HTRA1: variants seen among roughly 807,000 people sequenced by gnomAD.
HTRA1 encodes the protein HtrA serine peptidase 1, also known as serine protease HTRA1.
HTRA1 carries 26 observed loss-of-function variants against 49.7 expected under a neutral mutation model. The observed-to-expected ratio is 0.52, with a 90% CI of 0.38 to 0.73. The LOEUF (loss-of-function observed/expected upper bound fraction) is 0.73. Among genes scored for constraint, HTRA1 ranks in the 30% least tolerant of loss-of-function variants. The pLI is 0.00. For missense variants in HTRA1, 561 were observed against 667.2 expected (o/e 0.84, Z 1.75); for synonymous variants, 291 against 286.9 (o/e 1.01, Z -0.14).
In HTRA1 at chr10:122,512,079, G is replaced by A. The variant is rs2272599; in HGVS notation, c.1274+14G>A. The A allele has an allele frequency of 0.62, 960,015 of 1,560,700 alleles. 297,242 individuals carry two copies. Among genetic ancestry groups the A allele is most frequent in the African/African-American group, 0.7 (51,886 of 73,922 alleles). On this transcript the variant is annotated intron_variant, in intron 8 of 8. Transcript: ENST00000368984. The stretch of plus-strand genomic sequence containing the variant: ...CCCAGCAGAAGCGTGAGTTGGAGTC[G>A]TTTTCTCTTTTCCCAATATTCTTGT...
rs1038500258 is a variant in HTRA1, at chr10:122,494,639, C to T, written c.777+5013C>T. Among the ~76,000 whole-genome samples, 4 of 152,212 alleles carry T rather than the reference C, an allele frequency of 2.6e-5. No individual in the cohort carries two copies. Among genetic ancestry groups the T allele is most frequent in the Middle Eastern group, 3.4e-3 (1 of 294 alleles). On this transcript the variant is annotated intron_variant, in intron 3 of 8. Transcript: ENST00000368984. This position sits in a 1 kb window ranked among gnomAD's most constrained non-coding sequence, Gnocchi z 4.0. ...GTGGTTTTCCTCCCTCCCCTGTAGG[C>T]CTGCGCCACCCCCCCAACCCCACGG...
intron 1 of HTRA1, among the ~76,000 whole-genome samples, chr10:122,484,853 A>G (rs1482157469): frequency 6.6e-6 from 1 of 152,170 alleles, no homozygotes; most frequent in Non-Finnish European, 1.5e-5. Flanking sequence ...AGAAAGAAGG[A>G]GCAGTGGACG....
chr10:122,508,853 AGCG>A (rs754602291), intron 6 of HTRA1, 83 bp downstream of exon 6: 6 of 848,432 alleles, frequency 7.1e-6, no homozygotes, highest in Non-Finnish European at 1.2e-5. Context: ...GGAAGGGAAA[AGCG>A]GCAGCCCCTA....
At chr10:122,467,150 T>C (rs1403623723) in intron 1 of HTRA1, among the ~76,000 whole-genome samples, 1 of 152,230 alleles carries the variant, frequency 6.6e-6, no homozygotes, top group Non-Finnish European at 1.5e-5. Flanking sequence ...GTTTCATGCC[T>C]TGGATTCAGA....
chr10:122,486,674 G>A (rs1304931896), intron 1 of HTRA1, among the ~76,000 whole-genome samples: 9 of 152,270 alleles, frequency 5.9e-5, no homozygotes, highest in African/African-American at 1.7e-4. Flanking sequence ...GGGCTGGGAC[G>A]TCTCACAGCT....
chr10:122,488,125 A>G (rs2097493887), intron 1 of HTRA1, among the ~76,000 whole-genome samples: 1 of 152,078 alleles, frequency 6.6e-6, no homozygotes, highest in Non-Finnish European at 1.5e-5. Context: ...TTTCTTCGTA[A>G]TAATCTCAGA....
At chr10:122,502,307 T>C (rs1485619104) in intron 3 of HTRA1, among the ~76,000 whole-genome samples, 1 of 152,260 alleles carries the variant, frequency 6.6e-6, no homozygotes, top group Non-Finnish European at 1.5e-5. Context: ...CTGCTTGTTG[T>C]TGTCTGTTGG....
chr10:122,510,746 C>T (rs1053744146), intron 7 of HTRA1, among the ~76,000 whole-genome samples: 1 of 152,148 alleles, frequency 6.6e-6, no homozygotes, highest in Admixed American at 6.5e-5. Flanking sequence ...TGGTAGTAGA[C>T]TCACCTGGCA....
rs143026231 is a variant in HTRA1, at chr10:122,491,540, A to C, written c.777+1914A>C. Among the ~76,000 whole-genome samples the C allele has an allele frequency of 5.1e-3, 776 of 152,334 alleles. 6 individuals are homozygous for C. Among genetic ancestry groups the C allele is most frequent in the Admixed American group, 0.01 (157 of 15,310 alleles). ...AGGCGCTGGCCTGGACGCCGCCCCC[A>C]CTGCGTAACTTCGTGTTTGGAATGC... On this transcript the variant is annotated intron_variant, in intron 3 of 8. Coordinates refer to ENST00000368984, the MANE Select transcript of HTRA1 (RefSeq NM_002775.5).
chr10:122,478,649 C>T (rs1026143318), intron 1 of HTRA1, among the ~76,000 whole-genome samples: 5 of 143,372 alleles, frequency 3.5e-5, no homozygotes, highest in Non-Finnish European at 7.5e-5. Context: ...GCCTTGGCCT[C>T]CCAAAGTGCT....
chr10:122,463,783 C>G (rs913860382), intron 1 of HTRA1, among the ~76,000 whole-genome samples: 5 of 152,236 alleles, frequency 3.3e-5, no homozygotes, highest in Admixed American at 6.5e-5. Flanking sequence ...CACTTAACTC[C>G]AAGGGTGTGG....
At chr10:122,512,328 C>T (rs988476076) in intron 8 of HTRA1, among the ~76,000 whole-genome samples, 5 of 152,250 alleles carry the variant, frequency 3.3e-5, no homozygotes, top group South Asian at 4.2e-4. Context: ...ATAGCAGACT[C>T]GTAATGAGTC....
chr10:122,486,210 T>G (rs2097493033), intron 1 of HTRA1, among the ~76,000 whole-genome samples: 2 of 152,322 alleles, frequency 1.3e-5, no homozygotes, highest in South Asian at 2.1e-4. Context: ...GAGAAGTTAT[T>G]TAAAGTCTGC....
chr10:122,498,603 G>A (rs552195792), intron 3 of HTRA1, among the ~76,000 whole-genome samples: 2 of 152,240 alleles, frequency 1.3e-5, no homozygotes, highest in East Asian at 3.9e-4. Flanking sequence ...CTGAATGGAA[G>A]CTGAAATATC....
Position 122,461,818 on chromosome 10 carries a change from G to A in HTRA1, c.166G>A (p.Gly56Ser), listed in dbSNP as rs1275125353. Residue 56 changes from glycine to serine, a missense_variant, in exon 1 of 9, where the codon GGC becomes AGC. Gly to Ser is a moderately conservative substitution (Grantham distance 56, BLOSUM62 0). Coordinates refer to ENST00000368984, the MANE Select transcript of HTRA1 (RefSeq NM_002775.5). ...GCCGCAGCCGGAGCACTGCGAGGGC[G>A]GCCGGGCCCGGGACGCGTGCGGCTG... ...CPPQPEHCEG[G>S]RARDACGCCE... 2 of 1,081,628 alleles carry A rather than the reference G, an allele frequency of 1.8e-6. No homozygotes were observed. The highest frequency in any genetic ancestry group is 6.3e-5 in the East Asian group (1 of 15,786). 67.0% of individuals were successfully genotyped at this position (1,081,628 alleles called of 1,614,324 possible). A position where few individuals can be genotyped will look rare whatever the true frequency, so the allele number is the denominator to read the frequency against.
chr10:122,496,225 GTTCTTTTTTTTTTTTTTTTTT>G (rs2097498633), intron 3 of HTRA1, among the ~76,000 whole-genome samples: 2 of 80,384 alleles, frequency 2.5e-5, no homozygotes. Flanking sequence ...GAGATTGTGG[GTTCTTTTTTTTTTTTTTTTTT>G]TTTTTTTTTT....
At chr10:122,488,384 G>A (rs1380226104) in intron 1 of HTRA1, among the ~76,000 whole-genome samples, 4 of 152,152 alleles carry the variant, frequency 2.6e-5, no homozygotes, top group South Asian at 4.2e-4. Context: ...CCTGGCCAAC[G>A]TGGTGAAACC....
rs906341433 is a variant in HTRA1 at position 122,490,131 on chromosome 10, G to A, written c.777+505G>A. 3.3e-5 allele frequency among the ~76,000 whole-genome samples: 5 copies of A among 152,188 alleles called. No homozygotes were observed. Among genetic ancestry groups the A allele is most frequent in the African/African-American group, 4.8e-5 (2 of 41,450 alleles). On this transcript the variant is annotated intron_variant, in intron 3 of 8. Transcript: ENST00000368984. This position sits in a 1 kb window ranked among gnomAD's most constrained non-coding sequence, Gnocchi z 4.2. Reference sequence around the variant, plus strand: ...GAGATGTGTTTCAAAAGAATGTTTCGTACTTTAAACATCTTGGAAAACTTG... The same window carrying A: ...GAGATGTGTTTCAAAAGAATGTTTCATACTTTAAACATCTTGGAAAACTTG...
chr10:122,480,154 A>T (rs888467546), intron 1 of HTRA1, among the ~76,000 whole-genome samples: 2 of 152,240 alleles, frequency 1.3e-5, no homozygotes, highest in Admixed American at 1.3e-4. Flanking sequence ...AGGGACATTC[A>T]TGATCTGAAG....
Sources: allele counts gnomAD v4.1 joint callset (sites outside exome capture counted in the v4.1 genomes callset), GRCh38; gene constraint gnomAD v4.1.1; non-coding constraint Gnocchi (gnomAD v3.1); transcripts MANE v1.5; gene names NCBI Gene and HGNC (gene_info 2026-07-23, HGNC 2026-07-21).